The following VASH2 variants were observed in gnomAD, a reference collection of about 807,000 sequenced individuals.
VASH2 encodes the protein vasohibin 2, also known as tubulinyl-Tyr carboxypeptidase 2.
In VASH2, 28 loss-of-function variants were observed where a neutral mutation model predicts 37.2. The ratio of observed to expected loss-of-function variants is 0.75; its 90% CI spans 0.56 to 1.03. The LOEUF is 1.03. Ranked by LOEUF, VASH2 falls within the 50% of genes least tolerant of loss-of-function variation. The pLI, the probability that VASH2 is intolerant of heterozygous loss-of-function variation, is 0.00. For synonymous variants in VASH2, 188 were observed against 174.7 expected, an observed-to-expected ratio of 1.08 and a Z score of -0.60; for missense variants, 419 against 459.1, an observed-to-expected ratio of 0.91 and a Z score of 0.80.
intron 5 of VASH2, among the ~76,000 whole-genome samples, chr1:212,972,042 C>T (rs546108387): frequency 6.6e-6 from 1 of 152,186 alleles, no homozygotes; most frequent in Non-Finnish European, 1.5e-5. Context: ...TGCTGCTCCC[C>T]CTTCCCTGGA....
intron 7 of VASH2, among the ~76,000 whole-genome samples, chr1:212,978,595 A>C (rs1667248161): frequency 6.6e-6 from 1 of 152,214 alleles, no homozygotes; most frequent in South Asian, 2.1e-4. Flanking sequence ...CTGCCTCAGA[A>C]TCCCCCTGAC....
chr1:212,952,906 C>T (rs1359372660), intron 2 of VASH2: 1 of 152,218 alleles, frequency 6.6e-6, no homozygotes, highest in African/African-American at 2.4e-5. Context: ...CTTCCTGCTG[C>T]AGTCAGTTAC....
chr1:212,968,359 A>G (rs1666910886), intron 5 of VASH2: 2 of 985,328 alleles, frequency 2.0e-6, no homozygotes, highest in Admixed American at 1.2e-4. Flanking sequence ...ACCAGGAGAG[A>G]AAGGGGATGG....
At chr1:212,961,105 C>G (rs1274169840) in intron 2 of VASH2, 61 bp from the exon 3 acceptor site, 36 of 1,551,096 alleles carry the variant, frequency 2.3e-5, no homozygotes, top group Non-Finnish European at 3.0e-5. Flanking sequence ...TGCCTGCCCC[C>G]AGAAGCTGGG....
Position 212,990,041 on chromosome 1 carries a change from A to C in VASH2, c.*1457A>C, listed in dbSNP as rs1340941832. The C allele has an allele frequency of 6.6e-6, 1 of 151,902 alleles. No individual in the cohort carries two copies. The highest frequency in any genetic ancestry group is 2.4e-5 in the African/African-American group (1 of 41,350). 9.4% of individuals were successfully genotyped at this position (151,902 alleles called of 1,614,324 possible). A position where few individuals can be genotyped will look rare whatever the true frequency, so the allele number is the denominator to read the frequency against. Reference sequence around the variant, plus strand: ...ATCTCCTCTGGCTTTCTTTGACTGAAGGTGTTTATAGGAAGGAAGTTAAAA... The same window carrying C: ...ATCTCCTCTGGCTTTCTTTGACTGACGGTGTTTATAGGAAGGAAGTTAAAA... On this transcript the variant is annotated 3_prime_UTR_variant, in exon 8 of 8. Transcript: ENST00000517399.
Position 212,962,407 on chromosome 1 carries a change from C to T in VASH2, c.365+1153C>T, listed in dbSNP as rs181951877. On this transcript the variant is annotated intron_variant, in intron 3 of 7. Transcript: ENST00000517399. Reference sequence around the variant, plus strand: ...AAACATAGCCTGTTCTACAAGGTCCCAGGCACATTGACTGGCTTTCTGTTT... The same window carrying T: ...AAACATAGCCTGTTCTACAAGGTCCTAGGCACATTGACTGGCTTTCTGTTT... Among the ~76,000 whole-genome samples, 3 of 152,314 alleles carry T rather than the reference C, an allele frequency of 2.0e-5. No individual in the cohort carries two copies. In the East Asian group the frequency reaches 5.8e-4, roughly 29 times the overall value.
At chr1:212,969,875 T>C (rs943693993) in intron 5 of VASH2, among the ~76,000 whole-genome samples, 38 of 152,340 alleles carry the variant, frequency 2.5e-4, no homozygotes, top group African/African-American at 8.9e-4. Context: ...GGCCTGTCCT[T>C]CCTTGCCTTC....
chr1:212,962,213 G>C (rs1666702365), intron 3 of VASH2, among the ~76,000 whole-genome samples: 3 of 152,218 alleles, frequency 2.0e-5, no homozygotes, highest in Non-Finnish European at 2.9e-5. Context: ...GATTACATCA[G>C]TTCTGAGAAC....
chr1:212,955,456 G>A (rs1332147876), intron 2 of VASH2, among the ~76,000 whole-genome samples: 2 of 152,292 alleles, frequency 1.3e-5, no homozygotes, highest in East Asian at 3.9e-4. Context: ...GGATTTTTCA[G>A]AAAGACTTTA....
chr1:212,958,620 C>T (rs936518357), intron 2 of VASH2, among the ~76,000 whole-genome samples: 6 of 152,220 alleles, frequency 3.9e-5, no homozygotes, highest in African/African-American at 1.4e-4. Context: ...CTCTGGGGAT[C>T]TCTTAGGTGG....
Position 212,972,896 on chromosome 1 carries a change from T to G in VASH2, c.814T>G (p.Ser272Ala). Reference protein sequence around the residue: ...IEWKQLVLNVSKMLRADIRKE... With the variant: ...IEWKQLVLNVAKMLRADIRKE... ...GTGGAAGCAGCTGGTCCTCAACGTCTCAAAGATGCTGAGGGCTGACATAAG... is the reference window on the plus strand; with the variant it reads ...GTGGAAGCAGCTGGTCCTCAACGTCGCAAAGATGCTGAGGGCTGACATAAG... Residue 272 changes from serine (S) to alanine (A), a missense_variant, in exon 6 of 8, where the codon TCA (serine) becomes GCA (alanine). Physicochemically the swap from Ser to Ala is moderately conservative, Grantham distance 99. Transcript: ENST00000517399. The G allele has an allele frequency of 6.2e-7, 1 of 1,614,022 alleles. No homozygotes were observed. Among genetic ancestry groups the G allele is most frequent in the South Asian group, 1.1e-5 (1 of 91,066 alleles).
rs140877334 is a variant in VASH2 at position 212,968,610 on chromosome 1, C to T, written c.497+2265C>T. ...CCCTCCCCAACCCTCTTGTCATCCT[C>T]CTCCCTGTTTCCCACAAAGGAGATG... On this transcript the variant is annotated intron_variant, in intron 5 of 7. Transcript: ENST00000517399. 8.1e-6 allele frequency: 8 copies of T among 985,488 alleles called. No individual in the cohort carries two copies. In the East Asian group the frequency reaches 9.1e-4, roughly 112 times the overall value. 61.0% of individuals were successfully genotyped at this position (985,488 alleles called of 1,614,324 possible).
At chr1:212,962,932 T>G (rs1666720958) in intron 3 of VASH2, among the ~76,000 whole-genome samples, 1 of 151,644 alleles carries the variant, frequency 6.6e-6, no homozygotes, top group African/African-American at 2.4e-5. Flanking sequence ...TGACTCCTCA[T>G]AGGCTATTCT....
rs577515387 is a variant in VASH2 at position 212,961,562 on chromosome 1, C to T, written c.365+308C>T. ...TCTATCTTCTCCTCTTTCTCCACTT[C>T]CTTTCTCTTGGGCATCTTTGTTCCC... On this transcript the variant is annotated intron_variant, in intron 3 of 7. Coordinates refer to ENST00000517399, the MANE Select transcript of VASH2 (RefSeq NM_001301056.2). Among the ~76,000 whole-genome samples the T allele has an allele frequency of 3.9e-3, 601 of 152,282 alleles. 3 individuals are homozygous for T. The highest frequency in any genetic ancestry group is 0.014 in the African/African-American group (580 of 41,570).
chr1:212,957,202 G>T (rs1289105846), intron 2 of VASH2, among the ~76,000 whole-genome samples: 1 of 152,222 alleles, frequency 6.6e-6, no homozygotes, highest in Non-Finnish European at 1.5e-5. Flanking sequence ...GTGTCAAAAC[G>T]TCTTTCCTTT....
intron 3 of VASH2, among the ~76,000 whole-genome samples, chr1:212,963,854 G>C (rs1666756349): frequency 6.6e-6 from 1 of 152,134 alleles, no homozygotes; most frequent in Non-Finnish European, 1.5e-5. Context: ...GTTGGGCATA[G>C]AACTGAATTT....
At chr1:212,963,817 A>G (rs1666755264) in intron 3 of VASH2, among the ~76,000 whole-genome samples, 1 of 152,106 alleles carries the variant, frequency 6.6e-6, no homozygotes. Context: ...CACTAGATGT[A>G]TAAATTAGAT....
Position 212,985,315 on chromosome 1 carries a change from A to G in VASH2, c.996-3197A>G, listed in dbSNP as rs1296074098. On this transcript the variant is annotated intron_variant, in intron 7 of 7. Coordinates refer to ENST00000517399, the MANE Select transcript of VASH2 (RefSeq NM_001301056.2). ...CTCAGCCTCCCAAAGTGCTGGGACT[A>G]TAAGCATGACCCAGCGCACCCAGCC... Among the ~76,000 whole-genome samples, 3 of 146,046 alleles carry G rather than the reference A, an allele frequency of 2.1e-5. No individual in the cohort carries two copies. The Admixed American group carries it at 2.1e-4, about 10-fold the overall frequency.
intron 7 of VASH2, among the ~76,000 whole-genome samples, chr1:212,983,494 T>C (rs1306878060): frequency 6.6e-6 from 1 of 152,130 alleles, no homozygotes; most frequent in African/African-American, 2.4e-5. Flanking sequence ...AAAATACTAA[T>C]CTATTCATGA....
Sources: allele counts gnomAD v4.1 joint callset (sites outside exome capture counted in the v4.1 genomes callset), GRCh38; gene constraint gnomAD v4.1.1; transcripts MANE v1.5; gene names NCBI Gene and HGNC (gene_info 2026-07-23, HGNC 2026-07-21).